The following RGMA variants were observed in gnomAD, a reference collection of about 807,000 sequenced individuals.
The protein encoded by RGMA is repulsive guidance molecule A.
A neutral mutation model predicts 23.2 loss-of-function variants in RGMA; 10 were observed. The ratio of observed to expected loss-of-function variants is 0.43; its 90% CI spans 0.27 to 0.73. The LOEUF (loss-of-function observed/expected upper bound fraction) is 0.73, where lower values mean the gene tolerates loss of function less well. Ranked by LOEUF, RGMA falls within the 30% of genes least tolerant of loss-of-function variation. The probability of loss-of-function intolerance (pLI) is 0.20; values close to 1 mark genes in which losing one functional copy is unlikely to be tolerated. For missense variants in RGMA, 547 were observed against 630.5 expected, an observed-to-expected ratio of 0.87 and a Z score of 1.42; for synonymous variants, 308 against 279.3, an observed-to-expected ratio of 1.10 and a Z score of -1.03.
chr15:93,059,481 T>G (rs1364154821), intron 2 of RGMA, among the ~76,000 whole-genome samples: 1 of 152,190 alleles, frequency 6.6e-6, no homozygotes, highest in Non-Finnish European at 1.5e-5. Flanking sequence ...CTCAAGGGAA[T>G]GACTTGGAAA....
chr15:93,063,945 C>A (rs1171378350), intron 2 of RGMA, among the ~76,000 whole-genome samples: 1 of 152,214 alleles, frequency 6.6e-6, no homozygotes, highest in East Asian at 1.9e-4. Context: ...GGAGGTACTG[C>A]CCGTGTCACA....
intron 1 of RGMA, among the ~76,000 whole-genome samples, chr15:93,085,972 G>A (rs1027595406): frequency 1.3e-5 from 2 of 152,198 alleles, no homozygotes; most frequent in Non-Finnish European, 2.9e-5. Context: ...CCTATTCATT[G>A]CTCCTTTATA....
rs2054747692 is a variant in RGMA, at chr15:93,043,202, A to C, written c.*1796T>G. On this transcript the variant is annotated 3_prime_UTR_variant, in exon 4 of 4. Coordinates refer to ENST00000329082, the MANE Select transcript of RGMA (RefSeq NM_020211.3). ...CATGCCTACATGCACACACATAGGC[A>C]TGGGCGCACACACAGGCATGCGCAC... 1 of 143,910 alleles carries C rather than the reference A, an allele frequency of 6.9e-6. No homozygotes were observed. Among genetic ancestry groups the C allele is most frequent in the South Asian group, 2.1e-4 (1 of 4,790 alleles). The allele number at this position is 143,910 out of a possible 1,614,324, so 8.9% of individuals were successfully genotyped here. A position where few individuals can be genotyped will look rare whatever the true frequency, so the allele number is the denominator to read the frequency against.
At chr15:93,050,303 G>A (rs751882840) in intron 3 of RGMA, among the ~76,000 whole-genome samples, 2 of 152,238 alleles carry the variant, frequency 1.3e-5, no homozygotes, top group Non-Finnish European at 2.9e-5. Context: ...AGGCCTGACA[G>A]ACAGGCGGGG....
In RGMA at chr15:93,041,955, G is replaced by C. The variant is rs902217346; in HGVS notation, c.*3043C>G. On this transcript the variant is annotated 3_prime_UTR_variant, in exon 4 of 4. Coordinates refer to ENST00000329082, the MANE Select transcript of RGMA (RefSeq NM_020211.3). The stretch of plus-strand genomic sequence containing the variant: ...CAAGGCAGGCGGATCACGAGGTCAG[G>C]AGATCAAGACCATACTGGTCAACAT... The C allele has an allele frequency of 1.3e-4, 20 of 152,328 alleles. No individual in the cohort carries two copies. The highest frequency in any genetic ancestry group is 4.8e-4 in the African/African-American group (20 of 41,456). 9.4% of individuals were successfully genotyped at this position (152,328 alleles called of 1,614,324 possible).
At chr15:93,062,951 G>C (rs1311547707) in intron 2 of RGMA, 1 of 152,290 alleles carries the variant, frequency 6.6e-6, no homozygotes, top group Non-Finnish European at 1.5e-5. Context: ...TCCCGGGTGG[G>C]TTTTGCTTTT....
At chr15:93,080,929 T>G (rs965591305) in intron 1 of RGMA, among the ~76,000 whole-genome samples, 2 of 152,206 alleles carry the variant, frequency 1.3e-5, no homozygotes, top group African/African-American at 4.8e-5. Context: ...TTAAAACTCT[T>G]GTCTGAGACT....
intron 1 of RGMA, 189 bp downstream of exon 1, chr15:93,088,730 C>A: frequency 1.3e-6 from 1 of 761,656 alleles, no homozygotes; most frequent in Non-Finnish European, 2.0e-6. Context: ...AACACCAAAC[C>A]ACAAAAACTT....
In RGMA at chr15:93,073,013, T is replaced by C. The variant is rs752578563; in HGVS notation, c.33A>G (p.Thr11=). Residue 11 remains threonine (T), a synonymous_variant, in exon 2 of 4, where the codon ACA becomes ACG. Transcript: ENST00000329082. MQPPRERLVV[T]GRAGWMGMGR... ...CCATACCCATCCATCCAGCTCGGCCTGTTACCACTAGCCTCTCCCTGGAAG... is the reference window on the plus strand; with the variant it reads ...CCATACCCATCCATCCAGCTCGGCCCGTTACCACTAGCCTCTCCCTGGAAG... The C allele has an allele frequency of 1.9e-6, 3 of 1,609,272 alleles. No individual in the cohort carries two copies. In the South Asian group the frequency reaches 3.3e-5, roughly 18 times the overall value.
At position 93,052,349 on chromosome 15, in the gene RGMA, G is replaced by A; in HGVS notation, c.289C>T (p.Leu97=). ...RRTARTCRGD[L]AYHSAVHGIE... ...CCATGGACGGCCGAGTGGTAGGCCA[G>A]GTCACCCCGGCAGGTGCGGGCCGTC... The change falls in exon 3 of 4, where the codon CTG becomes TTG. Residue 97 remains leucine, a synonymous_variant. Transcript: ENST00000329082. The A allele has an allele frequency of 1.9e-6, 3 of 1,601,636 alleles. No individual in the cohort carries two copies. Among genetic ancestry groups the A allele is most frequent in the South Asian group, 2.2e-5 (2 of 91,008 alleles).
intron 1 of RGMA, among the ~76,000 whole-genome samples, chr15:93,081,269 C>T (rs979806086): frequency 5.3e-5 from 8 of 152,146 alleles, no homozygotes; most frequent in African/African-American, 1.7e-4. Flanking sequence ...AACTAACCAG[C>T]CTTGCCCACA....
At chr15:93,074,959 C>T (rs1278644249) in intron 1 of RGMA, among the ~76,000 whole-genome samples, 1 of 152,156 alleles carries the variant, frequency 6.6e-6, no homozygotes, top group Non-Finnish European at 1.5e-5. Flanking sequence ...AGTAATTAAC[C>T]ACCGTCACTG....
intron 3 of RGMA, among the ~76,000 whole-genome samples, chr15:93,048,657 G>A (rs1266103313): frequency 2.6e-5 from 4 of 152,110 alleles, no homozygotes; most frequent in Admixed American, 6.5e-5. Flanking sequence ...CCTAAGCCTC[G>A]AACCTGATGA....
At chr15:93,072,137 C>T (rs1345622991) in intron 2 of RGMA, among the ~76,000 whole-genome samples, 2 of 151,896 alleles carry the variant, frequency 1.3e-5, no homozygotes, top group Admixed American at 6.6e-5. Context: ...AGTAAAGAAA[C>T]TGGAGCGTTT....
Position 93,045,510 on chromosome 15 carries a change from T to C in RGMA, c.841A>G (p.Ile281Val), listed in dbSNP as rs1337863140. The C allele has an allele frequency of 1.2e-6, 2 of 1,613,192 alleles. No individual in the cohort carries two copies. The highest frequency in any genetic ancestry group is 1.7e-6 in the Non-Finnish European group (2 of 1,179,864). Reference sequence around the variant, plus strand: ...TAGCGGCCCACCTGGCGCACCACGATGGTGGTGCCGATGTACTTGGCCTGG... The same window carrying C: ...TAGCGGCCCACCTGGCGCACCACGACGGTGGTGCCGATGTACTTGGCCTGG... ...EIQAKYIGTT[I>V]VVRQVGRYLT... is the part of the protein sequence containing the mutation. The change falls in exon 4 of 4, where the codon ATC becomes GTC. Residue 281 changes from isoleucine (I) to valine (V), a missense_variant. Coordinates refer to ENST00000329082, the MANE Select transcript of RGMA (RefSeq NM_020211.3). This position sits in a 1 kb window ranked among gnomAD's most constrained non-coding sequence, Gnocchi z 6.9.
intron 3 of RGMA, among the ~76,000 whole-genome samples, chr15:93,047,435 A>G (rs576014754): frequency 5.9e-5 from 9 of 152,242 alleles, no homozygotes; most frequent in African/African-American, 2.2e-4. Flanking sequence ...GGTGGGGCAA[A>G]GGGGACAAGG....
chr15:93,065,216 T>C (rs1373143881), intron 2 of RGMA, among the ~76,000 whole-genome samples: 1 of 151,760 alleles, frequency 6.6e-6, no homozygotes, highest in African/African-American at 2.4e-5. Flanking sequence ...AGGTGGCACA[T>C]GACAGATGAT....
rs2054659229 is a variant in RGMA at position 93,036,220 on chromosome 15, T to A, written c.*8778A>T. On this transcript the variant is annotated 3_prime_UTR_variant, in exon 4 of 4. Coordinates refer to ENST00000329082, the MANE Select transcript of RGMA (RefSeq NM_020211.3). ...TAGCCCCCCAGCTCATCACGGGGCC[T>A]CATGACGTATTTGTTGAATGCCTGA... 6.6e-6 allele frequency: 1 copy of A among 152,196 alleles called. No individual in the cohort carries two copies. The highest frequency in any genetic ancestry group is 6.5e-5 in the Admixed American group (1 of 15,288). 9.4% of individuals were successfully genotyped at this position (152,196 alleles called of 1,614,324 possible).
chr15:93,045,760 G>T lies in RGMA; in HGVS notation c.646-55C>A. 2 of 1,286,438 alleles carry T rather than the reference G, an allele frequency of 1.6e-6. No individual in the cohort carries two copies. Among genetic ancestry groups the T allele is most frequent in the South Asian group, 1.2e-5 (1 of 81,346 alleles). The allele number at this position is 1,286,438 out of a possible 1,614,324, so 79.7% of individuals were successfully genotyped here. ...GTGAGGCACAGTGGGAGGAGGCACA[G>T]CCCCACACTTAAGATGCTCTAGACT... is the stretch of plus-strand genomic sequence containing the variant. On this transcript the variant is annotated intron_variant, in intron 3 of 3. Transcript: ENST00000329082. The surrounding 1 kb of genome is among the most constrained non-coding windows in gnomAD (Gnocchi z 6.9).
Sources: allele counts gnomAD v4.1 joint callset (sites outside exome capture counted in the v4.1 genomes callset), GRCh38; gene constraint gnomAD v4.1.1; non-coding constraint Gnocchi (gnomAD v3.1); transcripts MANE v1.5; gene names NCBI Gene and HGNC (gene_info 2026-07-23, HGNC 2026-07-21).